ZNF121: variants seen among roughly 807,000 people sequenced by gnomAD.
The protein encoded by ZNF121 is zinc finger protein 121 (clone ZHC32).
ZNF121 carries 1 observed loss-of-function variant against 2.4 expected under a neutral mutation model. That is an observed-to-expected ratio of 0.41 (90% CI 0.15 to 1.94). The LOEUF is 1.94. Among genes scored for constraint, ZNF121 ranks in the 30% most tolerant of loss-of-function variants. The pLI is 0.30. For missense variants in ZNF121, 369 were observed against 466.3 expected (o/e 0.79, Z 1.92); for synonymous variants, 173 against 158.6 (o/e 1.09, Z -0.68).
At chr19:9,576,361 T>G (rs1450020810) in intron 1 of ZNF121, among the ~76,000 whole-genome samples, 1 of 151,944 alleles carries the variant, frequency 6.6e-6, no homozygotes, top group East Asian at 1.9e-4. Context: ...AACGGAACAT[T>G]GTTTTGGTAC....
Position 9,561,575 on chromosome 19 carries a change from G to T in ZNF121, c.*4365C>A, listed in dbSNP as rs1348076890. On this transcript the variant is annotated 3_prime_UTR_variant, in exon 4 of 4. Transcript: ENST00000320451. ...AAAATTCCAGTTAAGAAATGTAGAA[G>T]AAACTATGGAATTAGAAAATCACTT... 2 of 152,152 alleles carry T rather than the reference G, an allele frequency of 1.3e-5. No homozygotes were observed. The highest frequency in any genetic ancestry group is 2.9e-5 in the Non-Finnish European group (2 of 68,040). 9.4% of individuals were successfully genotyped at this position (152,152 alleles called of 1,614,324 possible). A position where few individuals can be genotyped will look rare whatever the true frequency, so the allele number is the denominator to read the frequency against.
chr19:9,583,312 C>T (rs982176823), intron 1 of ZNF121, among the ~76,000 whole-genome samples: 1 of 151,704 alleles, frequency 6.6e-6, no homozygotes, highest in East Asian at 1.9e-4. Flanking sequence ...ATAAAGACAA[C>T]AGCTGTGTAT....
intron 1 of ZNF121, among the ~76,000 whole-genome samples, chr19:9,574,873 C>T (rs935589688): frequency 6.6e-6 from 1 of 152,096 alleles, no homozygotes; most frequent in African/African-American, 2.4e-5. Context: ...TATGTTAACA[C>T]AGGTCTTTGA....
At position 9,561,471 on chromosome 19, in the gene ZNF121, C is replaced by A. The variant is rs1440014228; in HGVS notation, c.*4469G>T. On this transcript the variant is annotated 3_prime_UTR_variant, in exon 4 of 4. Transcript: ENST00000320451. ...ATCAAATTTACAGTAGCTAACTACA[C>A]CCCATAGATTAAGAATTTATGATAC... 6 of 151,998 alleles carry A rather than the reference C, an allele frequency of 3.9e-5. No individual in the cohort carries two copies. The highest frequency in any genetic ancestry group is 1.9e-4 in the East Asian group (1 of 5,196). 9.4% of individuals were successfully genotyped at this position (151,998 alleles called of 1,614,324 possible).
intron 1 of ZNF121, among the ~76,000 whole-genome samples, chr19:9,581,118 T>C (rs1336120422): frequency 6.6e-6 from 1 of 152,212 alleles, no homozygotes; most frequent in African/African-American, 2.4e-5. Flanking sequence ...TATCTGATTG[T>C]ATGACTTTCT....
Position 9,564,201 on chromosome 19 carries a change from G to T in ZNF121, c.*1739C>A, listed in dbSNP as rs1280303887. The T allele has an allele frequency of 1.3e-5, 2 of 152,046 alleles. No individual in the cohort carries two copies. The highest frequency in any genetic ancestry group is 2.9e-5 in the Non-Finnish European group (2 of 68,032). 9.4% of individuals were successfully genotyped at this position (152,046 alleles called of 1,614,324 possible). On this transcript the variant is annotated 3_prime_UTR_variant, in exon 4 of 4. Transcript: ENST00000320451. ...CAACATTTATGATTCATGGAAGGAG[G>T]TCAAAATATCAACATTAAGGCAGGT...
At chr19:9,580,399 A>C (rs1599743304) in intron 1 of ZNF121, among the ~76,000 whole-genome samples, 1 of 151,676 alleles carries the variant, frequency 6.6e-6, no homozygotes, top group African/African-American at 2.4e-5. Flanking sequence ...AAGTTACTTC[A>C]CCTAATACCA....
chr19:9,575,587 A>G (rs1161651516), intron 1 of ZNF121, among the ~76,000 whole-genome samples: 1 of 151,972 alleles, frequency 6.6e-6, no homozygotes, highest in Non-Finnish European at 1.5e-5. Context: ...TACTAAAAAT[A>G]CAAAAATTAG....
At chr19:9,578,160 T>C (rs2074224942) in intron 1 of ZNF121, among the ~76,000 whole-genome samples, 2 of 151,886 alleles carry the variant, frequency 1.3e-5, no homozygotes, top group Non-Finnish European at 1.5e-5. Context: ...AGGTGGAACT[T>C]GCAGTGAGCC....
chr19:9,572,430 T>A (rs2074180596), intron 1 of ZNF121, among the ~76,000 whole-genome samples: 1 of 152,090 alleles, frequency 6.6e-6, no homozygotes, highest in Non-Finnish European at 1.5e-5. Flanking sequence ...ACAGGAAGCA[T>A]TACAAATGCC....
intron 1 of ZNF121, among the ~76,000 whole-genome samples, chr19:9,582,630 T>G (rs1479494722): frequency 6.6e-6 from 1 of 151,774 alleles, no homozygotes; most frequent in African/African-American, 2.4e-5. Context: ...TCTCTTCACA[T>G]GGACGCACCT....
At chr19:9,578,153 TGGAACTTGCAGTGAGCC>T (rs1030497504) in intron 1 of ZNF121, among the ~76,000 whole-genome samples, 3 of 146,658 alleles carry the variant, frequency 2.0e-5, no homozygotes, top group South Asian at 4.3e-4. Context: ...ACCCAAGAGG[TGGAACTTGCAGTGAGCC>T]GGAACTTGCA....
intron 1 of ZNF121, among the ~76,000 whole-genome samples, chr19:9,576,081 T>A (rs1375169576): frequency 6.6e-6 from 1 of 152,086 alleles, no homozygotes; most frequent in African/African-American, 2.4e-5. Context: ...TGGAATATTC[T>A]CCAGAACAGG....
chr19:9,571,510 A>C (rs1158323300), intron 1 of ZNF121, among the ~76,000 whole-genome samples: 1 of 152,204 alleles, frequency 6.6e-6, no homozygotes, highest in Non-Finnish European at 1.5e-5. Flanking sequence ...CTTGGTATGC[A>C]GGCATTGACA....
At chr19:9,574,264 G>GCCT (rs2074194782) in intron 1 of ZNF121, among the ~76,000 whole-genome samples, 1 of 151,984 alleles carries the variant, frequency 6.6e-6, no homozygotes, top group African/African-American at 2.4e-5. Flanking sequence ...TCCTGCCTCA[G>GCCT]CCTCCCTAGT....
Position 9,566,698 on chromosome 19 carries a change from T to G in ZNF121, c.415A>C (p.Thr139Pro). 8 of 1,614,216 alleles carry G rather than the reference T, an allele frequency of 5.0e-6. No homozygotes were observed. Among genetic ancestry groups the G allele is most frequent in the Non-Finnish European group, 6.8e-6 (8 of 1,180,032 alleles). Residue 139 changes from threonine to proline, a missense_variant, in exon 4 of 4, where the codon ACT becomes CCT. Thr to Pro is a conservative substitution (Grantham distance 38). Transcript: ENST00000320451. ...TSHAVSVKMH[T>P]VEKPYECKEC... is the part of the protein sequence containing the mutation. Reference sequence around the variant, plus strand: ...TTACATTCGTAGGGTTTTTCTACAGTATGCATTTTAACAGACACAGCATGG... The same window carrying G: ...TTACATTCGTAGGGTTTTTCTACAGGATGCATTTTAACAGACACAGCATGG...
In ZNF121 at chr19:9,563,928, C is replaced by T. The variant is rs909531618; in HGVS notation, c.*2012G>A. 2.6e-5 allele frequency: 4 copies of T among 152,168 alleles called. No homozygotes were observed. The highest frequency in any genetic ancestry group is 1.5e-5 in the Non-Finnish European group (1 of 68,034). 9.4% of individuals were successfully genotyped at this position (152,168 alleles called of 1,614,324 possible). A position where few individuals can be genotyped will look rare whatever the true frequency, so the allele number is the denominator to read the frequency against. On this transcript the variant is annotated 3_prime_UTR_variant, in exon 4 of 4. Transcript: ENST00000320451. ...AAACATACTGTTCAGAGATTCCTTT[C>T]AAAATATTACCACTGATAATGAACC... is the stretch of plus-strand genomic sequence containing the variant.
intron 1 of ZNF121, among the ~76,000 whole-genome samples, chr19:9,569,999 C>T (rs1304517627): frequency 6.6e-6 from 1 of 151,508 alleles, no homozygotes; most frequent in African/African-American, 2.4e-5. Flanking sequence ...TGTAGTGGCA[C>T]AATCTTCGCT....
Position 9,567,088 on chromosome 19 carries a change from C to G in ZNF121, c.25G>C (p.Glu9Gln). Reference protein sequence around the residue: MAEIHNGGELCDFMENGEI... With the variant: MAEIHNGGQLCDFMENGEI... Reference sequence around the variant, plus strand: ...CCATTTTCCATAAAGTCACAGAGTTCCCCTCCATTGTGGATTTCTGCCTGT... The same window carrying G: ...CCATTTTCCATAAAGTCACAGAGTTGCCCTCCATTGTGGATTTCTGCCTGT... Residue 9 changes from glutamate (E) to glutamine (Q), a missense_variant, in exon 4 of 4, where the codon GAA (glutamate) becomes CAA (glutamine). By Grantham distance (29) the Glu-to-Gln change is conservative. Coordinates refer to ENST00000320451, the MANE Select transcript of ZNF121 (RefSeq NM_001008727.5). The G allele has an allele frequency of 6.2e-7, 1 of 1,611,406 alleles. No homozygotes were observed. Among genetic ancestry groups the G allele is most frequent in the East Asian group, 2.2e-5 (1 of 44,862 alleles).
Sources: allele counts gnomAD v4.1 joint callset (sites outside exome capture counted in the v4.1 genomes callset), GRCh38; gene constraint gnomAD v4.1.1; transcripts MANE v1.5; gene names NCBI Gene and HGNC (gene_info 2026-07-23, HGNC 2026-07-21).